The following CHLSN variants were observed in gnomAD, a reference collection of about 807,000 sequenced individuals.
CHLSN encodes protein cholesin.
the CHLSN span, among the ~76,000 whole-genome samples, chr7:983,923 G>A: frequency 6.6e-6 from 1 of 152,222 alleles, no homozygotes; most frequent in Non-Finnish European, 1.5e-5. Flanking sequence ...CGCTCAGGCA[G>A]GCAGGGTCAG....
At chr7:987,326 G>A in the CHLSN span, 5 of 1,553,392 alleles carry the variant, frequency 3.2e-6, no homozygotes, top group African/African-American at 5.4e-5. Flanking sequence ...TGCCACCCAA[G>A]CGGCCCACCC....
the CHLSN span, chr7:1,092,527 GTCT>G: frequency 1.4e-5 from 23 of 1,608,254 alleles, no homozygotes; most frequent in East Asian, 2.2e-5. Context: ...GGTGGTGCTG[GTCT>G]TCTTCGTCTG....
the CHLSN span, chr7:1,058,370 C>T: frequency 2.6e-6 from 2 of 780,356 alleles, no homozygotes; most frequent in East Asian, 4.8e-5. Context: ...AACTCCTGGC[C>T]TTCTCCAGCA....
chr7:983,309 C>G, the CHLSN span: 4 of 1,541,264 alleles, frequency 2.6e-6, no homozygotes, highest in Admixed American at 5.9e-5. Flanking sequence ...CGGTGGCCCC[C>G]GGGGCCTCGC....
chr7:1,079,603 A>AC, the CHLSN span, among the ~76,000 whole-genome samples: 34 of 152,018 alleles, frequency 2.2e-4, no homozygotes, highest in African/African-American at 3.1e-4. Flanking sequence ...AATCTGCACA[A>AC]CCCCCCTCCC....
At chr7:1,033,771 T>G in the CHLSN span, among the ~76,000 whole-genome samples, 3 of 149,366 alleles carry the variant, frequency 2.0e-5, no homozygotes, top group South Asian at 2.1e-4. Context: ...CTGAGTGAGG[T>G]GAGGAGACAC....
the CHLSN span, among the ~76,000 whole-genome samples, chr7:1,019,885 C>T: frequency 8.5e-5 from 13 of 152,258 alleles, no homozygotes; most frequent in Admixed American, 5.2e-4. Context: ...AGCCTGGACC[C>T]AGAGGCCCGC....
At chr7:1,060,581 A>C in the CHLSN span, among the ~76,000 whole-genome samples, 1 of 152,194 alleles carries the variant, frequency 6.6e-6, no homozygotes, top group Admixed American at 6.5e-5. Context: ...CCACGAGGTC[A>C]CTGGCATTAT....
At chr7:1,112,526 A>C in the CHLSN span, among the ~76,000 whole-genome samples, 10 of 152,324 alleles carry the variant, frequency 6.6e-5, no homozygotes, top group Admixed American at 2.0e-4. Flanking sequence ...AACACCGTGG[A>C]TGGCCCCACA....
the CHLSN span, among the ~76,000 whole-genome samples, chr7:1,073,582 A>T: frequency 7.9e-5 from 12 of 152,232 alleles, no homozygotes; most frequent in African/African-American, 2.9e-4. Context: ...TCATGAAAAC[A>T]GAAGCTCCGT....
chr7:991,348 GC>G, the CHLSN span, among the ~76,000 whole-genome samples: 3 of 152,140 alleles, frequency 2.0e-5, no homozygotes, highest in Non-Finnish European at 4.4e-5. Flanking sequence ...TACAGCCAGG[GC>G]CCCCCAAGTT....
chr7:1,084,809 C>T, the CHLSN span, among the ~76,000 whole-genome samples: 3 of 152,244 alleles, frequency 2.0e-5, no homozygotes, highest in Admixed American at 2.0e-4. Flanking sequence ...GAGCCGGCAA[C>T]GCTGAAAACC....
At chr7:1,057,999 T>A in the CHLSN span, 1 of 770,120 alleles carries the variant, frequency 1.3e-6, no homozygotes, top group Admixed American at 1.7e-5. Context: ...CAGCTTCTCC[T>A]CGCTGCTCTT....
chr7:1,028,493 G>C, the CHLSN span: 7 of 985,396 alleles, frequency 7.1e-6, no homozygotes, highest in Non-Finnish European at 7.2e-6. Flanking sequence ...CCTCGGCGCT[G>C]AGAAGGCGGG....
chr7:1,017,246 C>T, the CHLSN span, among the ~76,000 whole-genome samples: 1 of 151,420 alleles, frequency 6.6e-6, no homozygotes, highest in African/African-American at 2.4e-5. Context: ...CACTGTCTCT[C>T]AGAGGGAAGA....
chr7:1,137,481 G>T, the CHLSN span: 1 of 152,272 alleles, frequency 6.6e-6, no homozygotes, highest in Admixed American at 6.6e-5. Context: ...AATGACGGAA[G>T]GAAGGAAACG....
the CHLSN span, chr7:1,092,881 C>G: frequency 1.2e-6 from 2 of 1,600,890 alleles, no homozygotes; most frequent in East Asian, 4.5e-5. Context: ...ATAGGCCCAG[C>G]CAGGGTGTGA....
chr7:1,136,574 A>ATATATG, the CHLSN span, among the ~76,000 whole-genome samples: 3,028 of 27,776 alleles, frequency 0.11, 241 homozygotes, highest in African/African-American at 0.21. Flanking sequence ...ATATAAACAT[A>ATATATG]AACATATATA....
At chr7:988,368 A>G in the CHLSN span, 3 of 1,612,646 alleles carry the variant, frequency 1.9e-6, no homozygotes, top group South Asian at 1.1e-5. Flanking sequence ...CATTTCCTGG[A>G]CGCGAATGGG....
Sources: gnomAD v4.1 joint callset for allele counts (sites outside exome capture counted in the v4.1 genomes callset) on GRCh38, gnomAD v4.1.1 for gene constraint, MANE v1.5 for transcripts, NCBI Gene and HGNC (gene_info 2026-07-23, HGNC 2026-07-21) for gene names.